The following NEU1 variants were observed in gnomAD, a reference collection of about 807,000 sequenced individuals.
NEU1 encodes sialidase-1.
A neutral mutation model predicts 38.3 loss-of-function variants in NEU1; 32 were observed. The observed-to-expected ratio is 0.84, with a 90% CI of 0.63 to 1.12. NEU1 has a LOEUF of 1.12. Among genes scored for constraint, NEU1 ranks in the 50% most tolerant of loss-of-function variants. The pLI is 0.00. For synonymous variants in NEU1, 192 were observed against 225.2 expected (o/e 0.85, Z 1.32); for missense variants, 431 against 549.2 (o/e 0.78, Z 2.15).
At position 31,862,296 on chromosome 6, in the gene NEU1, G is replaced by C; in HGVS notation, c.160-105C>G. On this transcript the variant is annotated intron_variant, in intron 1 of 5. Transcript: ENST00000375631. This position sits in a 1 kb window ranked among gnomAD's most constrained non-coding sequence, Gnocchi z 6.3. The stretch of plus-strand genomic sequence containing the variant: ...AGGATCTAATGGGGATCCCGAGTAG[G>C]GGATGGGGTCCCAGAACAAGAAAGA... 8.0e-7 allele frequency: 1 copy of C among 1,245,266 alleles called. No homozygotes were observed. Among genetic ancestry groups the C allele is most frequent in the Non-Finnish European group, 1.2e-6 (1 of 866,894 alleles). 77.1% of individuals were successfully genotyped at this position (1,245,266 alleles called of 1,614,324 possible). A position where few individuals can be genotyped will look rare whatever the true frequency, so the allele number is the denominator to read the frequency against.
chr6:31,860,897 C>CT lies in NEU1; in HGVS notation c.616-277dup. 1.6e-6 allele frequency: 1 copy of CT among 618,354 alleles called. No homozygotes were observed. The highest frequency in any genetic ancestry group is 2.8e-6 in the Non-Finnish European group (1 of 352,870). 38.3% of individuals were successfully genotyped at this position (618,354 alleles called of 1,614,324 possible). ...GTGCTCACTCGCCAAGCTGTGCACC[C>CT]TGGCACAGGCTTGTGTCTGTCCAAA... is the stretch of plus-strand genomic sequence containing the variant. On this transcript the variant is annotated intron_variant, in intron 3 of 5. Coordinates refer to ENST00000375631, the MANE Select transcript of NEU1 (RefSeq NM_000434.4). The surrounding 1 kb of genome is among the most constrained non-coding windows in gnomAD (Gnocchi z 4.8).
In NEU1 at chr6:31,860,210, A is replaced by C. The variant is rs1762453793; in HGVS notation, c.853T>G (p.Tyr285Asp). Residue 285 changes from tyrosine to aspartate, a missense_variant, in exon 5 of 6, where the codon TAC becomes GAC. Coordinates refer to ENST00000375631, the MANE Select transcript of NEU1 (RefSeq NM_000434.4). The surrounding 1 kb of genome is among the most constrained non-coding windows in gnomAD (Gnocchi z 4.8). ...AGGACAATTCGGCAGTGGCAGTGGT[A>C]GTTGTTCTGGTTTCGGGCATTGATG... The part of the protein sequence containing the change: ...VVINARNQNN[Y>D]HCHCRIVLRS... The C allele has an allele frequency of 6.2e-7, 1 of 1,612,926 alleles. No individual in the cohort carries two copies. Among genetic ancestry groups the C allele is most frequent in the Non-Finnish European group, 8.5e-7 (1 of 1,179,996 alleles).
rs114405905 is a variant in NEU1 at position 31,861,371 on chromosome 6, G to A, written c.432C>T (p.Ser144=). ...GAAATACTACTCCTGTCTCAACATC[G>A]CTCACTACTGCCCCAAGGTTCAGCC... ...PDGLNLGAVV[S]DVETGVVFLF... The change falls in exon 3 of 6, where the codon AGC becomes AGT. Residue 144 remains serine (S), a synonymous_variant. Transcript: ENST00000375631. 276 of 1,612,922 alleles carry A rather than the reference G, an allele frequency of 1.7e-4. No homozygotes were observed. In the Middle Eastern group the frequency reaches 4.0e-3, roughly 23 times the overall value.
At chr6:31,861,543 C>T (rs1395172712) in intron 2 of NEU1, 93 bp from the exon 3 acceptor site, 3 of 1,534,572 alleles carry the variant, frequency 2.0e-6, no homozygotes, top group Non-Finnish European at 1.8e-6. Context: ...TGCTAGGGAC[C>T]TCAGGCCTTC....
At position 31,862,513 on chromosome 6, in the gene NEU1, A is replaced by G; in HGVS notation, c.159+105T>C. On this transcript the variant is annotated intron_variant, in intron 1 of 5. Coordinates refer to ENST00000375631, the MANE Select transcript of NEU1 (RefSeq NM_000434.4). This position sits in a 1 kb window ranked among gnomAD's most constrained non-coding sequence, Gnocchi z 6.3. ...GGAAACGGGGTCTGGGAGAAAGAAA[A>G]GGGTCCTGTCGCGGAAAGTCGGCTC... 1.3e-6 allele frequency: 2 copies of G among 1,507,936 alleles called. No individual in the cohort carries two copies. Among genetic ancestry groups the G allele is most frequent in the Non-Finnish European group, 1.8e-6 (2 of 1,087,752 alleles). The allele number at this position is 1,507,936 out of a possible 1,614,324, so 93.4% of individuals were successfully genotyped here. A position where few individuals can be genotyped will look rare whatever the true frequency, so the allele number is the denominator to read the frequency against.
chr6:31,860,443 C>G lies in NEU1; in HGVS notation c.794G>C (p.Cys265Ser), dbSNP rs562414610. The change falls in exon 4 of 6, where the codon TGC becomes TCC. Residue 265 changes from cysteine to serine, a missense_variant. Cys to Ser is a moderately radical substitution (Grantham distance 112). Coordinates refer to ENST00000375631, the MANE Select transcript of NEU1 (RefSeq NM_000434.4). The surrounding 1 kb of genome is among the most constrained non-coding windows in gnomAD (Gnocchi z 4.8). Reference sequence around the variant, plus strand: ...AACATCTCATGGACTCCTGACCTGGCATTCATCAGGATTGAAATCATTTTC... The same window carrying G: ...AACATCTCATGGACTCCTGACCTGGGATTCATCAGGATTGAAATCATTTTC... ...KQENDFNPDE[C>S]QPYELPDGSV... 2 of 1,613,868 alleles carry G rather than the reference C, an allele frequency of 1.2e-6. No individual in the cohort carries two copies. The highest frequency in any genetic ancestry group is 4.5e-5 in the East Asian group (2 of 44,878).
chr6:31,859,732 T>C lies in NEU1; in HGVS notation c.1235A>G (p.Tyr412Cys), dbSNP rs1294178790. 3.1e-6 allele frequency: 5 copies of C among 1,612,660 alleles called. No homozygotes were observed. Among genetic ancestry groups the C allele is most frequent in the South Asian group, 1.1e-5 (1 of 91,082 alleles). The change falls in exon 6 of 6, where the codon TAT (tyrosine) becomes TGT (cysteine). Residue 412 changes from tyrosine (Y) to cysteine (C), a missense_variant. Physicochemically the swap from Tyr to Cys is radical, Grantham distance 194. Coordinates refer to ENST00000375631, the MANE Select transcript of NEU1 (RefSeq NM_000434.4). ...CAGTGGCACAGCTCAGAGTGTCCCA[T>C]AGACACTGATTTTGGCCACGGAGAT... ...ESISVAKISVYGTL is the reference protein window; with the variant it reads ...ESISVAKISVCGTL
intron 2 of NEU1, 180 bp from the exon 3 acceptor site, chr6:31,861,630 A>G (rs1762518604): frequency 1.4e-6 from 1 of 733,614 alleles, no homozygotes; most frequent in Non-Finnish European, 2.2e-6. Flanking sequence ...CATTGCATTT[A>G]TCACCTTGCA....
rs773358919 is a variant in NEU1, at chr6:31,860,021, C to A, written c.1021+21G>T. ...CTAGACACAGGGCTCTCCCTGCTGA[C>A]CCCACCCATGAGGCACTCACGGAAC... On this transcript the variant is annotated intron_variant, in intron 5 of 5. Coordinates refer to ENST00000375631, the MANE Select transcript of NEU1 (RefSeq NM_000434.4). The surrounding 1 kb of genome is among the most constrained non-coding windows in gnomAD (Gnocchi z 4.8). The A allele has an allele frequency of 1.2e-6, 2 of 1,612,766 alleles. No homozygotes were observed. Among genetic ancestry groups the A allele is most frequent in the African/African-American group, 1.3e-5 (1 of 74,916 alleles).
chr6:31,859,256 A>T lies in NEU1; in HGVS notation c.*463T>A, dbSNP rs1762407558. ...TTAAGTTACAAACATTTTGATTGAT[A>T]GTCAGTCATGGTGGTGCACCTAGTC... On this transcript the variant is annotated 3_prime_UTR_variant, in exon 6 of 6. Transcript: ENST00000375631. The T allele has an allele frequency of 3.8e-6, 1 of 266,312 alleles. No individual in the cohort carries two copies. The highest frequency in any genetic ancestry group is 7.3e-6 in the Non-Finnish European group (1 of 136,292). The allele number at this position is 266,312 out of a possible 1,614,324, so 16.5% of individuals were successfully genotyped here.
rs1427145633 is a variant in NEU1, at chr6:31,860,140, G to A, written c.923C>T (p.Thr308Ile). 6.2e-7 allele frequency: 1 copy of A among 1,612,930 alleles called. No individual in the cohort carries two copies. Among genetic ancestry groups the A allele is most frequent in the African/African-American group, 1.3e-5 (1 of 74,918 alleles). ...AGGGTCCACGAGCTCAGGGTCGAAG[G>A]TCACATCACGGGGCCTTAGTGTATC... ...ACDTLRPRDV[T>I]FDPELVDPVV... The change falls in exon 5 of 6, where the codon ACC becomes ATC. Residue 308 changes from threonine to isoleucine, a missense_variant. Coordinates refer to ENST00000375631, the MANE Select transcript of NEU1 (RefSeq NM_000434.4). This position sits in a 1 kb window ranked among gnomAD's most constrained non-coding sequence, Gnocchi z 4.8.
intron 2 of NEU1, 193 bp downstream of exon 2, chr6:31,861,806 G>A (rs1328873024): frequency 5.8e-6 from 4 of 695,430 alleles, no homozygotes; most frequent in Non-Finnish European, 1.0e-5. Context: ...TTTGCTAAGT[G>A]AATGTCCAAC....
rs959507951 is a variant in NEU1, at chr6:31,860,891, T to C, written c.616-270A>G. ...CAACCTGTGCTCACTCGCCAAGCTG[T>C]GCACCCTGGCACAGGCTTGTGTCTG... is the stretch of plus-strand genomic sequence containing the variant. On this transcript the variant is annotated intron_variant, in intron 3 of 5. Transcript: ENST00000375631. The surrounding 1 kb of genome is among the most constrained non-coding windows in gnomAD (Gnocchi z 4.8). 3 of 619,374 alleles carry C rather than the reference T, an allele frequency of 4.8e-6. No homozygotes were observed. The highest frequency in any genetic ancestry group is 8.5e-6 in the Non-Finnish European group (3 of 353,554). The allele number at this position is 619,374 out of a possible 1,614,324, so 38.4% of individuals were successfully genotyped here. A position where few individuals can be genotyped will look rare whatever the true frequency, so the allele number is the denominator to read the frequency against.
chr6:31,862,806 G>C lies in NEU1; in HGVS notation c.-30C>G. Reference sequence around the variant, plus strand: ...CCCCGCAGCTGCCGCGACCCTGGCAGCTAGACTCCACAGAGTCGGGAGTCA... The same window carrying C: ...CCCCGCAGCTGCCGCGACCCTGGCACCTAGACTCCACAGAGTCGGGAGTCA... On this transcript the variant is annotated 5_prime_UTR_variant, in exon 1 of 6. Coordinates refer to ENST00000375631, the MANE Select transcript of NEU1 (RefSeq NM_000434.4). The surrounding 1 kb of genome is among the most constrained non-coding windows in gnomAD (Gnocchi z 6.3). The C allele has an allele frequency of 2.5e-6, 4 of 1,612,086 alleles. No homozygotes were observed. Among genetic ancestry groups the C allele is most frequent in the Non-Finnish European group, 3.4e-6 (4 of 1,179,708 alleles).
chr6:31,860,166 A>G lies in NEU1; in HGVS notation c.897T>C (p.Cys299=). 4 of 1,613,036 alleles carry G rather than the reference A, an allele frequency of 2.5e-6. No individual in the cohort carries two copies. The highest frequency in any genetic ancestry group is 3.4e-6 in the Non-Finnish European group (4 of 1,180,020). Residue 299 remains cysteine (C), a synonymous_variant, in exon 5 of 6, where the codon TGT becomes TGC. Transcript: ENST00000375631. The surrounding 1 kb of genome is among the most constrained non-coding windows in gnomAD (Gnocchi z 4.8). The part of the protein sequence containing the change: ...CRIVLRSYDA[C]DTLRPRDVTF... ...TCACATCACGGGGCCTTAGTGTATC[A>G]CAGGCATCATAGCTGCGGAGGACAA...
rs758231451 is a variant in NEU1, at chr6:31,859,923, C to T, written c.1044G>A (p.Trp348Ter). The T allele has an allele frequency of 6.2e-7, 1 of 1,613,036 alleles. No homozygotes were observed. The stretch of plus-strand genomic sequence containing the variant: ...GCCATGAGGTACCATTGCTGAAGCT[C>T]CATCGCAGGGTCAGGTTCACTCCTG... ...PEFRVNLTLRWSFSNGTSWRK... is the reference protein window; with the variant it reads ...PEFRVNLTLR The change falls in exon 6 of 6, where the codon TGG becomes TGA. Residue 348 changes from tryptophan to a stop codon, truncating the protein, a stop_gained. Transcript: ENST00000375631. LOFTEE classifies it high-confidence loss of function.
At position 31,859,880 on chromosome 6, in the gene NEU1, G is replaced by C; in HGVS notation, c.1087C>G (p.Leu363Val). 2 of 1,613,076 alleles carry C rather than the reference G, an allele frequency of 1.2e-6. No homozygotes were observed. The highest frequency in any genetic ancestry group is 1.7e-6 in the Non-Finnish European group (2 of 1,180,034). Residue 363 changes from leucine (L) to valine (V), a missense_variant, in exon 6 of 6, where the codon CTA becomes GTA. Transcript: ENST00000375631. ...GAATAGCCACTGGGGCCTGGCCATA[G>C]CTGGACTGTCTCTTTCCGCCATGAG... ...GTSWRKETVQ[L>V]WPGPSGYSSL...
Position 31,860,084 on chromosome 6 carries a change from A to C in NEU1, c.979T>G (p.Ser327Ala). 1 of 1,612,972 alleles carries C rather than the reference A, an allele frequency of 6.2e-7. No homozygotes were observed. The highest frequency in any genetic ancestry group is 8.5e-7 in the Non-Finnish European group (1 of 1,180,012). The stretch of plus-strand genomic sequence containing the variant: ...GGGTTGGAGAAGAAGACAATGCCGG[A>C]GCTGGTGACTACAGCTCCTGCAGCT... ...VVAAGAVVTS[S>A]GIVFFSNPAH... The change falls in exon 5 of 6, where the codon TCC becomes GCC. Residue 327 changes from serine to alanine, a missense_variant. By Grantham distance (99) the Ser-to-Ala change is moderately conservative. Transcript: ENST00000375631. This position sits in a 1 kb window ranked among gnomAD's most constrained non-coding sequence, Gnocchi z 4.8.
chr6:31,861,485 C>A (rs528058013), intron 2 of NEU1, 35 bp from the exon 3 acceptor site: 2 of 1,612,368 alleles, frequency 1.2e-6, no homozygotes, highest in East Asian at 2.2e-5. Context: ...CCAGAGTGAG[C>A]ACTCTGCAGG....
Sources: gnomAD v4.1 joint callset for allele counts on GRCh38, gnomAD v4.1.1 for gene constraint, Gnocchi (gnomAD v3.1) non-coding constraint, MANE v1.5 for transcripts, NCBI Gene and HGNC (gene_info 2026-07-23, HGNC 2026-07-21) for gene names.